TBC1D19: variants seen among roughly 807,000 people sequenced by gnomAD.
TBC1D19 encodes TBC1 domain family, member 19.
A neutral mutation model predicts 89.0 loss-of-function variants in TBC1D19; 60 were observed. The ratio of observed to expected loss-of-function variants is 0.67; its 90% CI spans 0.55 to 0.84. TBC1D19 has a LOEUF of 0.84. Among genes scored for constraint, TBC1D19 ranks in the 40% least tolerant of loss-of-function variants. The pLI is 0.00. For missense variants in TBC1D19, 500 were observed against 610.8 expected, an observed-to-expected ratio of 0.82 and a Z score of 1.91; for synonymous variants, 189 against 199.7, an observed-to-expected ratio of 0.95 and a Z score of 0.45.
chr4:26,659,428 A>G (rs563730062), intron 7 of TBC1D19, among the ~76,000 whole-genome samples, 169 bp from the exon 8 acceptor site: 1 of 152,268 alleles, frequency 6.6e-6, no homozygotes, highest in Non-Finnish European at 1.5e-5. Flanking sequence ...GGCATTATAT[A>G]TTAACATTTC....
intron 18 of TBC1D19, among the ~76,000 whole-genome samples, chr4:26,746,512 C>T (rs146746511): frequency 5.3e-5 from 8 of 151,992 alleles, no homozygotes; most frequent in South Asian, 2.1e-4. Flanking sequence ...TGTGGTTTTT[C>T]GGTTATTGTA....
the TBC1D19 span, among the ~76,000 whole-genome samples, chr4:26,835,578 T>C: frequency 6.6e-6 from 1 of 152,176 alleles, no homozygotes. Flanking sequence ...TGACTCCGTT[T>C]CCCAGGTGCA....
the TBC1D19 span, among the ~76,000 whole-genome samples, chr4:26,830,706 G>A: frequency 3.3e-5 from 5 of 152,180 alleles, no homozygotes; most frequent in African/African-American, 1.2e-4. Context: ...AAGGCTTCGT[G>A]TTTTATAAAA....
At chr4:26,765,063 G>A in the TBC1D19 span, among the ~76,000 whole-genome samples, 1 of 152,134 alleles carries the variant, frequency 6.6e-6, no homozygotes, top group Non-Finnish European at 1.5e-5. Context: ...GACAATAGGA[G>A]TAGGGTAGGA....
chr4:26,651,620 G>A (rs187450680), intron 7 of TBC1D19, among the ~76,000 whole-genome samples: 227 of 152,218 alleles, frequency 1.5e-3, no homozygotes, highest in African/African-American at 5.1e-3. Context: ...GGGCTGAGAC[G>A]ATGGGGTTTT....
intron 1 of TBC1D19, among the ~76,000 whole-genome samples, chr4:26,586,751 T>G (rs942716886): frequency 2.6e-5 from 4 of 152,200 alleles, no homozygotes; most frequent in Admixed American, 6.5e-5. Context: ...TAAGTTTTAA[T>G]TTTTTATTTT....
chr4:26,736,310 C>T (rs1254172922), intron 16 of TBC1D19, among the ~76,000 whole-genome samples: 3 of 144,012 alleles, frequency 2.1e-5, no homozygotes, highest in Non-Finnish European at 3.0e-5. Context: ...AACCAAACAC[C>T]GCATATTCTC....
intron 1 of TBC1D19, among the ~76,000 whole-genome samples, chr4:26,577,203 G>T (rs2109917416): frequency 6.6e-6 from 1 of 152,132 alleles, no homozygotes; most frequent in African/African-American, 2.4e-5. Flanking sequence ...CATTCAGCTT[G>T]CTGCTCTGCT....
In TBC1D19 at chr4:26,685,879, T is replaced by C. The variant is rs192095504; in HGVS notation, c.891+2130T>C. Among the ~76,000 whole-genome samples, 17 of 152,254 alleles carry C rather than the reference T, an allele frequency of 1.1e-4. No homozygotes were observed. The East Asian group carries it at 2.9e-3, about 26-fold the overall frequency. ...CACACGTGAAAAAGCTAAAAAAAAG[T>C]AAGGAGTGCTAGGATGAGAGTTCTC... On this transcript the variant is annotated intron_variant, in intron 12 of 20. Transcript: ENST00000264866.
chr4:26,675,955 A>C (rs1712763680), intron 11 of TBC1D19, among the ~76,000 whole-genome samples: 1 of 152,178 alleles, frequency 6.6e-6, no homozygotes. Flanking sequence ...GCTTTTGTAT[A>C]TTTCCTTTTC....
At position 26,659,660 on chromosome 4, in the gene TBC1D19, T is replaced by G. The variant is rs752073150; in HGVS notation, c.544T>G (p.Leu182Val). Reference protein sequence around the residue: ...NGDSLSFRTHLGLIQVPLKVK... With the variant: ...NGDSLSFRTHVGLIQVPLKVK... ...TGATTCTCTTAGTTTCAGGACTCAT[T>G]TGGGTTTAATTCAAGTTCCACTGAA... Residue 182 changes from leucine to valine, a missense_variant, in exon 8 of 21, where the codon TTG (leucine) becomes GTG (valine). Leu to Val is a conservative substitution (Grantham distance 32). This residue lies in a region of TBC1D19 where 280 missense variants were observed against 291.7 expected (regional missense o/e 0.96). Coordinates refer to ENST00000264866, the MANE Select transcript of TBC1D19 (RefSeq NM_018317.4). 9.4e-6 allele frequency: 15 copies of G among 1,594,708 alleles called. No individual in the cohort carries two copies. In the East Asian group the frequency reaches 3.4e-4, roughly 36 times the overall value.
intron 4 of TBC1D19, among the ~76,000 whole-genome samples, chr4:26,632,965 G>A (rs1450442700): frequency 6.6e-6 from 1 of 152,088 alleles, no homozygotes; most frequent in African/African-American, 2.4e-5. Context: ...TCTATTAGCT[G>A]TTGAATTTCT....
downstream of TBC1D19, among the ~76,000 whole-genome samples, chr4:26,760,365 C>T (rs552507946): frequency 6.6e-6 from 1 of 152,090 alleles, no homozygotes; most frequent in Non-Finnish European, 1.5e-5. Flanking sequence ...GAGTTCAACA[C>T]CAGCTTGGGC....
intron 8 of TBC1D19, among the ~76,000 whole-genome samples, chr4:26,663,858 C>T (rs1035261601): frequency 1.3e-5 from 2 of 152,094 alleles, no homozygotes; most frequent in African/African-American, 4.8e-5. Context: ...AATGGATAGC[C>T]CTTAAACCTA....
Position 26,681,879 on chromosome 4 carries a change from A to G in TBC1D19, c.817-1796A>G, listed in dbSNP as rs553642198. Among the ~76,000 whole-genome samples the G allele has an allele frequency of 2.0e-5, 3 of 152,352 alleles. No individual in the cohort carries two copies. The East Asian group carries it at 5.8e-4, about 29-fold the overall frequency. On this transcript the variant is annotated intron_variant, in intron 11 of 20. Coordinates refer to ENST00000264866, the MANE Select transcript of TBC1D19 (RefSeq NM_018317.4). ...TTCCATTTCATATTGAAAAACAACAACACAAACGCCCAACTATGATTACAT... is the reference window on the plus strand; with the variant it reads ...TTCCATTTCATATTGAAAAACAACAGCACAAACGCCCAACTATGATTACAT...
chr4:26,800,830 C>T, the TBC1D19 span, among the ~76,000 whole-genome samples: 7 of 150,236 alleles, frequency 4.7e-5, no homozygotes, highest in East Asian at 1.4e-3. Flanking sequence ...TGTTCATATC[C>T]TTCGCCCACT....
At chr4:26,843,466 C>T in the TBC1D19 span, among the ~76,000 whole-genome samples, 4 of 151,902 alleles carry the variant, frequency 2.6e-5, no homozygotes, top group African/African-American at 4.8e-5. Context: ...ACCATGAAGA[C>T]ATCTGGTAAA....
chr4:26,651,713 C>T (rs1220283814), intron 7 of TBC1D19, among the ~76,000 whole-genome samples: 2 of 152,048 alleles, frequency 1.3e-5, no homozygotes, highest in African/African-American at 2.4e-5. Context: ...TTTCCTTCTC[C>T]TGCCTGATTG....
At chr4:26,803,872 ATCTTTACTGC>A in the TBC1D19 span, among the ~76,000 whole-genome samples, 2 of 131,186 alleles carry the variant, frequency 1.5e-5, no homozygotes, top group Non-Finnish European at 3.1e-5. Context: ...CTGAACAAGA[ATCTTTACTGC>A]TGGTATATCT....
Sources: allele counts gnomAD v4.1 joint callset (sites outside exome capture counted in the v4.1 genomes callset), GRCh38; gene constraint gnomAD v4.1.1; regional missense constraint gnomAD v4.1.1; transcripts MANE v1.5; gene names NCBI Gene and HGNC (gene_info 2026-07-23, HGNC 2026-07-21).